Variants in JAK2 observed in about 807,000 individuals in gnomAD.
JAK2 encodes tyrosine-protein kinase JAK2.
A neutral mutation model predicts 139.3 loss-of-function variants in JAK2; 86 were observed. That is an observed-to-expected ratio of 0.62 (90% CI 0.52 to 0.74). JAK2 has a LOEUF of 0.74. Among genes scored for constraint, JAK2 ranks in the 30% least tolerant of loss-of-function variants. The pLI is 0.00. For synonymous variants in JAK2, 490 were observed against 437.7 expected (o/e 1.12, Z -1.49); for missense variants, 1,421 against 1,360.3 (o/e 1.04, Z -0.70).
At chr9:5,052,164 A>G (rs1817459137) in intron 6 of JAK2, among the ~76,000 whole-genome samples, 2 of 152,126 alleles carry the variant, frequency 1.3e-5, no homozygotes, top group Admixed American at 1.3e-4. Context: ...AGCCATCTCT[A>G]GACTTAAGCT....
intron 4 of JAK2, among the ~76,000 whole-genome samples, chr9:5,043,449 A>G (rs1260601809): frequency 2.0e-5 from 3 of 152,226 alleles, no homozygotes; most frequent in Non-Finnish European, 2.9e-5. Flanking sequence ...GACAAACAAT[A>G]ACAAGTGTTA....
chr9:5,109,407 A>G (rs1223717107), intron 22 of JAK2: 1 of 152,172 alleles, frequency 6.6e-6, no homozygotes, highest in Non-Finnish European at 1.5e-5. Flanking sequence ...CATGCCTAAC[A>G]ATATGGCTTT....
intron 4 of JAK2, among the ~76,000 whole-genome samples, 193 bp from the exon 5 acceptor site, chr9:5,044,209 AC>A (rs780769172): frequency 6.6e-6 from 1 of 152,182 alleles, no homozygotes; most frequent in African/African-American, 2.4e-5. Flanking sequence ...TTTTACACTT[AC>A]ATTTCTTGTA....
intron 14 of JAK2, among the ~76,000 whole-genome samples, chr9:5,076,940 T>A (rs1320074009): frequency 7.1e-6 from 1 of 140,580 alleles, no homozygotes. Context: ...TTTTATATAT[T>A]TTTTTAAAAA....
At chr9:5,089,485 C>T (rs1586769673) in intron 19 of JAK2, among the ~76,000 whole-genome samples, 189 bp from the exon 20 acceptor site, 1 of 136,986 alleles carries the variant, frequency 7.3e-6, no homozygotes, top group African/African-American at 2.9e-5. Context: ...TTGCAGTGAG[C>T]CGAGATCGTG....
At position 5,054,470 on chromosome 9, in the gene JAK2, TG is replaced by T; in HGVS notation, c.615-91del. Reference sequence around the variant, plus strand: ...CTGTGTTGTAAGGCCTACTTAATCATGGAAAAAGGTGGTAACTTCTTTTTCA... The same window carrying T: ...CTGTGTTGTAAGGCCTACTTAATCATGAAAAAGGTGGTAACTTCTTTTTCA... On this transcript the variant is annotated intron_variant, in intron 6 of 24. Transcript: ENST00000381652. The surrounding 1 kb of genome is among the most constrained non-coding windows in gnomAD (Gnocchi z 4.9). The T allele has an allele frequency of 9.3e-7, 1 of 1,071,362 alleles. No homozygotes were observed. The highest frequency in any genetic ancestry group is 1.6e-5 in the African/African-American group (1 of 62,978). The allele number at this position is 1,071,362 out of a possible 1,614,324, so 66.4% of individuals were successfully genotyped here.
At chr9:5,114,224 G>T (rs962469386) in intron 22 of JAK2, 3 of 518,774 alleles carry the variant, frequency 5.8e-6, no homozygotes, top group Non-Finnish European at 7.6e-6. Context: ...CCTTCTACCT[G>T]TTCATCCGCA....
chr9:5,109,315 C>T (rs1822240677), intron 22 of JAK2: 1 of 152,098 alleles, frequency 6.6e-6, no homozygotes, highest in Non-Finnish European at 1.5e-5. Context: ...TTAACCAAAA[C>T]ATTAAATTGT....
Position 5,127,890 on chromosome 9 carries a change from A to ATAAG in JAK2, c.*1103_*1106dup, listed in dbSNP as rs1423677411. On this transcript the variant is annotated 3_prime_UTR_variant, in exon 25 of 25. Coordinates refer to ENST00000381652, the MANE Select transcript of JAK2 (RefSeq NM_004972.4). ...CCTTTTTAGAGGGGAAATGAGGTAAATAAGTAAAAAAGTATGCTTGTTAAT... is the reference window on the plus strand; with the variant it reads ...CCTTTTTAGAGGGGAAATGAGGTAAATAAGTAAGTAAAAAAGTATGCTTGTTAAT... 1.5e-4 allele frequency: 36 copies of ATAAG among 232,380 alleles called. No individual in the cohort carries two copies. The Admixed American group carries it at 1.9e-3, about 12-fold the overall frequency. 14.4% of individuals were successfully genotyped at this position (232,380 alleles called of 1,614,324 possible).
chr9:5,103,933 T>C (rs1821739376), intron 22 of JAK2, among the ~76,000 whole-genome samples: 1 of 151,978 alleles, frequency 6.6e-6, no homozygotes, highest in African/African-American at 2.4e-5. Flanking sequence ...TAGAGGGAAA[T>C]TTATAGCACT....
At chr9:5,090,267 C>T (rs1392855050) in intron 20 of JAK2, among the ~76,000 whole-genome samples, 179 bp from the exon 21 acceptor site, 1 of 152,108 alleles carries the variant, frequency 6.6e-6, no homozygotes, top group Non-Finnish European at 1.5e-5. Context: ...TTTATTCATT[C>T]AAAAGTTTTT....
rs766542982 is a variant in JAK2 at position 5,041,224 on chromosome 9, C to G, written c.351-3179C>G. On this transcript the variant is annotated intron_variant, in intron 4 of 24. Transcript: ENST00000381652. ...AGCCCGAGAACTTCCTGGTGGGGCG[C>G]CCGGGGACCAAGCGGCAGCACGCCA... 43 of 1,470,170 alleles carry G rather than the reference C, an allele frequency of 2.9e-5. No individual in the cohort carries two copies. In the Middle Eastern group the frequency reaches 1.4e-3, roughly 49 times the overall value. The allele number at this position is 1,470,170 out of a possible 1,614,324, so 91.1% of individuals were successfully genotyped here. A position where few individuals can be genotyped will look rare whatever the true frequency, so the allele number is the denominator to read the frequency against.
intron 14 of JAK2, among the ~76,000 whole-genome samples, chr9:5,076,488 T>A (rs1053410772): frequency 1.3e-5 from 2 of 152,184 alleles, no homozygotes; most frequent in African/African-American, 2.4e-5. Flanking sequence ...CATTAGCACC[T>A]TTTTTGGCAA....
chr9:5,113,584 C>A (rs954046047), intron 22 of JAK2: 1 of 158,672 alleles, frequency 6.3e-6, no homozygotes. Flanking sequence ...TCCCCTTGAT[C>A]CCCTGCTGCA....
chr9:4,988,183 C>T (rs1411354299), intron 2 of JAK2, among the ~76,000 whole-genome samples: 1 of 152,208 alleles, frequency 6.6e-6, no homozygotes, highest in African/African-American at 2.4e-5. Flanking sequence ...TTAGACCCCT[C>T]CTCTTAGCTC....
In JAK2 at chr9:5,069,203, C is replaced by G. The variant is rs368359929; in HGVS notation, c.1508C>G (p.Pro503Arg). ...TTTACTAAATGCTGTCCCCCAAAGCCAAAAGGTAAGATAATTTTCTAGTTA... is the reference window on the plus strand; with the variant it reads ...TTTACTAAATGCTGTCCCCCAAAGCGAAAAGGTAAGATAATTTTCTAGTTA... Reference protein sequence around the residue: ...FQFTKCCPPKPKDKSNLLVFR... With the variant: ...FQFTKCCPPKRKDKSNLLVFR... The change falls in exon 11 of 25, where the codon CCA (proline) becomes CGA (arginine). Residue 503 changes from proline to arginine, a missense_variant. By Grantham distance (103) the Pro-to-Arg change is moderately radical. Coordinates refer to ENST00000381652, the MANE Select transcript of JAK2 (RefSeq NM_004972.4). 1.3e-5 allele frequency: 21 copies of G among 1,595,286 alleles called. No homozygotes were observed. The highest frequency in any genetic ancestry group is 1.8e-5 in the Non-Finnish European group (21 of 1,171,524).
At chr9:5,077,216 A>G (rs991378959) in intron 14 of JAK2, among the ~76,000 whole-genome samples, 4 of 150,098 alleles carry the variant, frequency 2.7e-5, no homozygotes, top group African/African-American at 7.3e-5. Flanking sequence ...TATATTATAC[A>G]TTTATGTTAT....
intron 7 of JAK2, 132 bp downstream of exon 7, chr9:5,055,016 G>A (rs766905328): frequency 2.4e-4 from 142 of 580,718 alleles, no homozygotes; most frequent in Non-Finnish European, 3.8e-4. Flanking sequence ...TTTTAATAGC[G>A]TGAACCTATC....
chr9:5,062,105 G>C (rs1818217553), intron 8 of JAK2, among the ~76,000 whole-genome samples: 1 of 152,114 alleles, frequency 6.6e-6, no homozygotes, highest in Non-Finnish European at 1.5e-5. Context: ...TCACAGGTTT[G>C]AATTGTGTGG....
Sources: allele counts gnomAD v4.1 joint callset (sites outside exome capture counted in the v4.1 genomes callset), GRCh38; gene constraint gnomAD v4.1.1; non-coding constraint Gnocchi (gnomAD v3.1); transcripts MANE v1.5; gene names NCBI Gene and HGNC (gene_info 2026-07-23, HGNC 2026-07-21).